Variants in KCNN2 observed in about 807,000 individuals in gnomAD.
The protein encoded by KCNN2 is potassium calcium-activated channel subfamily N member 2.
Under a neutral mutation model 55.5 loss-of-function variants are expected in KCNN2, and 24 were observed. The ratio of observed to expected loss-of-function variants is 0.43; its 90% CI spans 0.31 to 0.61. The LOEUF is 0.61. Among genes scored for constraint, KCNN2 ranks in the 20% least tolerant of loss-of-function variants. The pLI, the probability that KCNN2 is intolerant of heterozygous loss-of-function variation, is 0.08. For missense variants in KCNN2, 754 were observed against 853.6 expected (o/e 0.88, Z 1.45); for synonymous variants, 431 against 336.1 (o/e 1.28, Z -3.09).
At chr5:114,436,576 T>TA (rs1308810179) in intron 3 of KCNN2, among the ~76,000 whole-genome samples, 2 of 152,214 alleles carry the variant, frequency 1.3e-5, no homozygotes, top group African/African-American at 4.8e-5. Flanking sequence ...TAGGCATACA[T>TA]ACTTGGACGG....
intron 3 of KCNN2, among the ~76,000 whole-genome samples, chr5:114,407,830 C>T (rs189477704): frequency 1.3e-5 from 2 of 152,188 alleles, no homozygotes; most frequent in African/African-American, 4.8e-5. Flanking sequence ...GGTATCAGTA[C>T]AGTAGCTTGC....
intron 2 of KCNN2, among the ~76,000 whole-genome samples, chr5:114,289,630 G>A (rs889155834): frequency 5.3e-5 from 8 of 152,050 alleles, no homozygotes; most frequent in Non-Finnish European, 1.5e-5. Context: ...GCCCGCCTTG[G>A]CCTTTCAAAG....
At chr5:114,494,512 A>T (rs1417037458) in intron 7 of KCNN2, among the ~76,000 whole-genome samples, 1 of 151,944 alleles carries the variant, frequency 6.6e-6, no homozygotes, top group Non-Finnish European at 1.5e-5. Flanking sequence ...ATTAACGTGT[A>T]TAAATGTGGC....
chr5:114,201,172 G>A (rs1244382890), intron 1 of KCNN2, among the ~76,000 whole-genome samples: 4 of 152,146 alleles, frequency 2.6e-5, no homozygotes, highest in Admixed American at 2.0e-4. Context: ...CAATGAATTC[G>A]TGGGCTAATC....
chr5:114,138,545 C>G (rs1257797538), intron 1 of KCNN2, among the ~76,000 whole-genome samples: 1 of 152,074 alleles, frequency 6.6e-6, no homozygotes, highest in Admixed American at 6.6e-5. Context: ...ACTGTAGAAC[C>G]CAAATCTCTG....
At chr5:114,317,728 T>G (rs1339770323) in intron 2 of KCNN2, among the ~76,000 whole-genome samples, 3 of 152,202 alleles carry the variant, frequency 2.0e-5, no homozygotes, top group Non-Finnish European at 4.4e-5. Context: ...ACAGGAGAAC[T>G]CAGGTGACAA....
Position 114,173,432 on chromosome 5 carries a change from TTTTG to T in KCNN2, c.-270-48042_-270-48039del, listed in dbSNP as rs1327898989. Among the ~76,000 whole-genome samples the T allele has an allele frequency of 6.0e-3, 731 of 122,166 alleles. 5 individuals are homozygous for T. The highest frequency in any genetic ancestry group is 0.021 in the African/African-American group (694 of 32,538). 80.1% of individuals were successfully genotyped at this position (122,166 alleles called of 152,430 possible). ...TATTCTGGTGGGTTTTTTGTTTTTG[TTTTG>T]TTTGTGTGTGTGTGTGTGTGTGTGT... On this transcript the variant is annotated intron_variant, in intron 1 of 10. Coordinates refer to the KCNN2 transcript ENST00000512097.
At chr5:114,082,476 C>G (rs75065557) in intron 1 of KCNN2, among the ~76,000 whole-genome samples, 3 of 152,124 alleles carry the variant, frequency 2.0e-5, no homozygotes, top group Non-Finnish European at 4.4e-5. Context: ...AGGAACTCTT[C>G]TGCAGTGTTG....
chr5:114,381,847 A>G (rs369837415), intron 2 of KCNN2, among the ~76,000 whole-genome samples: 78 of 152,188 alleles, frequency 5.1e-4, no homozygotes, highest in African/African-American at 1.9e-3. Flanking sequence ...ATGCCAGTGT[A>G]TGCTGCCATC....
chr5:114,095,842 G>A (rs1751244486), intron 1 of KCNN2, among the ~76,000 whole-genome samples: 2 of 146,646 alleles, frequency 1.4e-5, no homozygotes, highest in South Asian at 4.3e-4. Context: ...CTCCATATAT[G>A]CACCTGCTGT....
At chr5:114,094,330 A>AT (rs1221658234) in intron 1 of KCNN2, among the ~76,000 whole-genome samples, 1 of 152,154 alleles carries the variant, frequency 6.6e-6, no homozygotes, top group Non-Finnish European at 1.5e-5. Context: ...AGACCTGAGC[A>AT]TTTTAAATCT....
At chr5:114,452,540 A>T (rs796909901) in intron 3 of KCNN2, among the ~76,000 whole-genome samples, 75 of 152,340 alleles carry the variant, frequency 4.9e-4, no homozygotes, top group African/African-American at 1.6e-3. Context: ...GTAGATGTTC[A>T]CCATGTTATT....
At chr5:114,214,819 C>A in intron 1 of KCNN2, among the ~76,000 whole-genome samples, 1 of 152,130 alleles carries the variant, frequency 6.6e-6, no homozygotes, top group Admixed American at 6.5e-5. Context: ...CAAAAAACAA[C>A]TTTCCCTGAG....
Position 114,363,093 on chromosome 5 carries a change from C to T in KCNN2, c.954C>T (p.Gly318=). The T allele has an allele frequency of 3.7e-6, 6 of 1,612,154 alleles. No homozygotes were observed. The highest frequency in any genetic ancestry group is 5.1e-6 in the Non-Finnish European group (6 of 1,179,864). Reference sequence around the variant, plus strand: ...GGAGCGGGCACGGCAGCAGCAGTGGCACCAAGTCCAGCAAAAAGAAAAACC... The same window carrying T: ...GGAGCGGGCACGGCAGCAGCAGTGGTACCAAGTCCAGCAAAAAGAAAAACC... ...GGGSGHGSSS[G]TKSSKKKNQN... Residue 318 remains glycine, a synonymous_variant, in exon 1 of 8, where the codon GGC becomes GGT. Coordinates refer to ENST00000673685, the MANE Select transcript of KCNN2 (RefSeq NM_021614.4).
chr5:114,329,952 A>G (rs1388688305), intron 2 of KCNN2, among the ~76,000 whole-genome samples: 1 of 151,982 alleles, frequency 6.6e-6, no homozygotes, highest in Non-Finnish European at 1.5e-5. Flanking sequence ...GCAGGCCACA[A>G]CCCTGAGCCC....
intron 2 of KCNN2, among the ~76,000 whole-genome samples, chr5:114,241,738 A>G (rs563123902): frequency 0.013 from 354 of 26,480 alleles, 73 homozygotes; most frequent in African/African-American, 0.024. Context: ...ATATACATAT[A>G]TACGTATATA....
At chr5:114,356,878 C>T (rs895840478) in intron 2 of KCNN2, among the ~76,000 whole-genome samples, 3 of 151,854 alleles carry the variant, frequency 2.0e-5, no homozygotes, top group African/African-American at 4.8e-5. Flanking sequence ...TTTCCAGAAA[C>T]ATGGAATTAT....
rs778844704 is a variant in KCNN2 at position 114,496,039 on chromosome 5, A to C, written c.2233A>C (p.Arg745=). 6.2e-7 allele frequency: 1 copy of C among 1,614,108 alleles called. No homozygotes were observed. Among genetic ancestry groups the C allele is most frequent in the South Asian group, 1.1e-5 (1 of 91,086 alleles). ...CCCTGGGCTCATAAGCCAGACCATC[A>C]GGCAGCAGCAGAGAGATTTCATTGA... ...ALPGLISQTI[R]QQQRDFIEAQ... Residue 745 remains arginine (R), a synonymous_variant, in exon 8 of 8, where the codon AGG becomes CGG. Transcript: ENST00000673685.
chr5:114,126,325 T>C (rs1751929443), intron 1 of KCNN2, among the ~76,000 whole-genome samples: 1 of 152,210 alleles, frequency 6.6e-6, no homozygotes, highest in Non-Finnish European at 1.5e-5. Context: ...TTTAATTGAC[T>C]CACAGTTCAG....
Sources: allele counts gnomAD v4.1 joint callset (sites outside exome capture counted in the v4.1 genomes callset), GRCh38; gene constraint gnomAD v4.1.1; transcripts MANE v1.5; gene names NCBI Gene and HGNC (gene_info 2026-07-23, HGNC 2026-07-21).